The following CASP9 variants were observed in gnomAD, a reference collection of about 807,000 sequenced individuals.
CASP9 encodes the protein caspase 9, also known as caspase-9.
CASP9 carries 29 observed loss-of-function variants against 43.5 expected under a neutral mutation model. That is an observed-to-expected ratio of 0.67 (90% CI 0.50 to 0.91). The LOEUF (loss-of-function observed/expected upper bound fraction) is 0.91, where lower values mean the gene tolerates loss of function less well. Among genes scored for constraint, CASP9 ranks in the 40% least tolerant of loss-of-function variants. The pLI is 0.00. For synonymous variants in CASP9, 206 were observed against 211.9 expected, an observed-to-expected ratio of 0.97 and a Z score of 0.24; for missense variants, 575 against 537.4, an observed-to-expected ratio of 1.07 and a Z score of -0.69.
intron 2 of CASP9, 85 bp from the exon 3 acceptor site, chr1:15,507,992 G>C: frequency 7.1e-7 from 1 of 1,410,548 alleles, no homozygotes; most frequent in East Asian, 2.3e-5. Flanking sequence ...AGCCCCCCAA[G>C]AACGGAGCAG....
At chr1:15,510,227 G>A (rs181708115) in intron 2 of CASP9, among the ~76,000 whole-genome samples, 3 of 152,120 alleles carry the variant, frequency 2.0e-5, no homozygotes, top group African/African-American at 7.2e-5. Context: ...ACCACGCCCG[G>A]CCTACATTTT....
chr1:15,495,402 A>G lies in CASP9; in HGVS notation c.919T>C (p.Ser307Pro). 6.2e-7 allele frequency: 1 copy of G among 1,606,446 alleles called. No homozygotes were observed. The highest frequency in any genetic ancestry group is 1.3e-5 in the African/African-American group (1 of 74,508). ...TCTGGCTCGGGGTTACTGCCAGGGG[A>G]CTCGTCTTCAGGGGAAGTGGAGGCC... ...EVASTSPEDE[S>P]PGSNPEPDAT... Residue 307 changes from serine (S) to proline (P), a missense_variant, in exon 7 of 9, where the codon TCC (serine) becomes CCC (proline). Ser to Pro is a moderately conservative substitution (Grantham distance 74). Coordinates refer to ENST00000333868, the MANE Select transcript of CASP9 (RefSeq NM_001229.5).
rs1710344249 is a variant in CASP9 at position 15,524,189 on chromosome 1, C to A, written c.12G>T (p.Ala4=). 2 of 1,546,250 alleles carry A rather than the reference C, an allele frequency of 1.3e-6. No homozygotes were observed. Among genetic ancestry groups the A allele is most frequent in the African/African-American group, 1.4e-5 (1 of 73,214 alleles). MDE[A]DRRLLRRCRL... ...GGCACCGCCGCAGGAGCCGCCGATC[C>A]GCTTCGTCCATGGCGAGTAGCCAAC... Residue 4 remains alanine, a synonymous_variant, in exon 1 of 9, where the codon GCG becomes GCT. Transcript: ENST00000333868.
At chr1:15,512,465 C>T (rs1709790660) in intron 2 of CASP9, among the ~76,000 whole-genome samples, 1 of 152,144 alleles carries the variant, frequency 6.6e-6, no homozygotes, top group Non-Finnish European at 1.5e-5. Context: ...TGTCTCACTA[C>T]TTGAGCTGGG....
chr1:15,507,922 A>G lies in CASP9; in HGVS notation c.419-15T>C. The G allele has an allele frequency of 6.2e-7, 1 of 1,614,012 alleles. No individual in the cohort carries two copies. The highest frequency in any genetic ancestry group is 8.5e-7 in the Non-Finnish European group (1 of 1,179,892). ...CTCAAGAGCACCTGAAGAGGCAGAGAAAGAGAGAAACATGAATGTTGGGTT... is the reference window on the plus strand; with the variant it reads ...CTCAAGAGCACCTGAAGAGGCAGAGGAAGAGAGAAACATGAATGTTGGGTT... On this transcript the variant is annotated splice_polypyrimidine_tract_variant and intron_variant, in intron 2 of 8. Transcript: ENST00000333868.
chr1:15,495,437 C>G lies in CASP9; in HGVS notation c.884G>C (p.Gly295Ala). Residue 295 changes from glycine (G) to alanine (A), a missense_variant, in exon 7 of 9, where the codon GGG becomes GCG. Transcript: ENST00000333868. ...QACGGEQKDH[G>A]FEVASTSPED... ...AGGGGAAGTGGAGGCCACCTCAAAC[C>G]CATGGTCTTTCTGCTCTGCAGGAAG... The G allele has an allele frequency of 6.3e-7, 1 of 1,596,552 alleles. No individual in the cohort carries two copies. The highest frequency in any genetic ancestry group is 1.1e-5 in the South Asian group (1 of 88,162).
Position 15,507,169 on chromosome 1 carries a change from C to A in CASP9, c.454-94G>T, listed in dbSNP as rs550976159. ...GGGAAGAAAACGGGGTCTGCCCTCT[C>A]GCACAAGGAGTAGCAGGGTCTCCAC... is the stretch of plus-strand genomic sequence containing the variant. On this transcript the variant is annotated intron_variant, in intron 3 of 8. Coordinates refer to ENST00000333868, the MANE Select transcript of CASP9 (RefSeq NM_001229.5). 46 of 1,469,396 alleles carry A rather than the reference C, an allele frequency of 3.1e-5. 1 individual carries two copies. The Middle Eastern group carries it at 9.1e-4, about 29-fold the overall frequency. 91.0% of individuals were successfully genotyped at this position (1,469,396 alleles called of 1,614,324 possible). A position where few individuals can be genotyped will look rare whatever the true frequency, so the allele number is the denominator to read the frequency against.
chr1:15,502,368 C>G (rs1238226311), intron 6 of CASP9, among the ~76,000 whole-genome samples: 1 of 152,180 alleles, frequency 6.6e-6, no homozygotes, highest in African/African-American at 2.4e-5. Flanking sequence ...TGCCTGTTAT[C>G]CCAGCACTTT....
intron 8 of CASP9, 77 bp from the exon 9 acceptor site, chr1:15,493,112 GA>G: frequency 1.3e-6 from 2 of 1,594,608 alleles, no homozygotes; most frequent in Non-Finnish European, 1.7e-6. Flanking sequence ...GGGCTGGGGG[GA>G]ATGTCCACTC....
chr1:15,500,108 C>T (rs988769399), intron 6 of CASP9, among the ~76,000 whole-genome samples: 19 of 141,572 alleles, frequency 1.3e-4, no homozygotes, highest in African/African-American at 5.4e-4. Context: ...AGGCATCTAA[C>T]AAGAGCTTTG....
rs1709506436 is a variant in CASP9, at chr1:15,506,047, C to A, written c.663G>T (p.Gln221His). ...AGCAGTCCAGAGCACCGTGGTCCTG[C>A]TGCGCCAGCTCCAGCAAAGCCAGCA... ...KMVLALLELA[Q>H]QDHGALDCCV... The change falls in exon 5 of 9, where the codon CAG becomes CAT. Residue 221 changes from glutamine (Q) to histidine (H), a missense_variant. Coordinates refer to ENST00000333868, the MANE Select transcript of CASP9 (RefSeq NM_001229.5). 11 of 1,614,114 alleles carry A rather than the reference C, an allele frequency of 6.8e-6. No individual in the cohort carries two copies. Among genetic ancestry groups the A allele is most frequent in the Non-Finnish European group, 8.5e-6 (10 of 1,179,962 alleles).
chr1:15,500,272 G>C (rs1709273005), intron 6 of CASP9, among the ~76,000 whole-genome samples: 1 of 152,206 alleles, frequency 6.6e-6, no homozygotes, highest in Admixed American at 6.5e-5. Flanking sequence ...TCCAGGCCCT[G>C]ATGCCATCAG....
intron 6 of CASP9, among the ~76,000 whole-genome samples, chr1:15,498,642 AG>A (rs1259290089): frequency 6.6e-6 from 1 of 152,048 alleles, no homozygotes; most frequent in East Asian, 1.9e-4. Context: ...AAGACAACCA[AG>A]GGAAGAAATG....
chr1:15,493,643 G>C, intron 8 of CASP9: 1 of 1,443,540 alleles, frequency 6.9e-7, no homozygotes, highest in East Asian at 2.5e-5. Context: ...AGGAGCGGGA[G>C]GTGTCAACCT....
chr1:15,522,007 A>G (rs1269792639), intron 1 of CASP9, among the ~76,000 whole-genome samples: 2 of 152,218 alleles, frequency 1.3e-5, no homozygotes, highest in African/African-American at 2.4e-5. Flanking sequence ...ACAGTTGGCT[A>G]CATGCAAATA....
In CASP9 at chr1:15,492,952, T is replaced by C; in HGVS notation, c.1242A>G (p.Lys414=). 3 of 1,613,864 alleles carry C rather than the reference T, an allele frequency of 1.9e-6. No homozygotes were observed. Among genetic ancestry groups the C allele is most frequent in the Non-Finnish European group, 1.7e-6 (2 of 1,180,018 alleles). Residue 414 remains lysine, a synonymous_variant, in exon 9 of 9, where the codon AAA becomes AAG. Coordinates refer to ENST00000333868, the MANE Select transcript of CASP9 (RefSeq NM_001229.5). ...FNFLRKKLFF[K]TS is the part of the protein sequence containing the mutation. ...GTGAGGGGCCCTGGCCTTATGATGTTTTAAAGAAAAGTTTTTTCCGGAGGA... is the reference window on the plus strand; with the variant it reads ...GTGAGGGGCCCTGGCCTTATGATGTCTTAAAGAAAAGTTTTTTCCGGAGGA...
rs1000635063 is a variant in CASP9, at chr1:15,507,785, C to T, written c.453+88G>A. On this transcript the variant is annotated intron_variant, in intron 3 of 8. Transcript: ENST00000333868. ...TGCCTAGGGTTGGGTTCCCTGGGCT[C>T]CTGACACACCTGCAGGGAAGGACCT... is the stretch of plus-strand genomic sequence containing the variant. 5.9e-6 allele frequency: 8 copies of T among 1,354,956 alleles called. No individual in the cohort carries two copies. In the African/African-American group the frequency reaches 1.1e-4, roughly 19 times the overall value. 83.9% of individuals were successfully genotyped at this position (1,354,956 alleles called of 1,614,324 possible).
intron 7 of CASP9, among the ~76,000 whole-genome samples, chr1:15,494,418 A>G (rs916452495): frequency 6.6e-6 from 1 of 152,076 alleles, no homozygotes; most frequent in Non-Finnish European, 1.5e-5. Flanking sequence ...TACAAAAATT[A>G]GCTGGGTGTG....
At position 15,491,758 on chromosome 1, in the gene CASP9, C is replaced by CA. The variant is rs951225453; in HGVS notation, c.*1184dup. 4.9e-4 allele frequency: 80 copies of CA among 162,844 alleles called. No homozygotes were observed. Among genetic ancestry groups the CA allele is most frequent in the South Asian group, 1.3e-3 (9 of 6,692 alleles). 10.1% of individuals were successfully genotyped at this position (162,844 alleles called of 1,614,324 possible). On this transcript the variant is annotated 3_prime_UTR_variant, in exon 9 of 9. Coordinates refer to ENST00000333868, the MANE Select transcript of CASP9 (RefSeq NM_001229.5). Reference sequence around the variant, plus strand: ...GGGCGACAGAGTGAGACCCTATCTCCAAAAAAAAAGGCCCAAAAAACAAGA... The same window carrying CA: ...GGGCGACAGAGTGAGACCCTATCTCCAAAAAAAAAAGGCCCAAAAAACAAGA...
Sources: allele counts gnomAD v4.1 joint callset (sites outside exome capture counted in the v4.1 genomes callset), GRCh38; gene constraint gnomAD v4.1.1; transcripts MANE v1.5; gene names NCBI Gene and HGNC (gene_info 2026-07-23, HGNC 2026-07-21).